The following ADAMTS2 variants were observed in gnomAD, a reference collection of about 807,000 sequenced individuals.
ADAMTS2 encodes ADAM metallopeptidase with thrombospondin type 1 motif 2.
In ADAMTS2, 50 loss-of-function variants were observed where a neutral mutation model predicts 123.0. The observed-to-expected ratio is 0.41, with a 90% CI of 0.32 to 0.51. The LOEUF (loss-of-function observed/expected upper bound fraction) is 0.51, where lower values mean the gene tolerates loss of function less well. Ranked by LOEUF, ADAMTS2 falls within the 20% of genes least tolerant of loss-of-function variation. ADAMTS2 has a pLI of 0.35. For synonymous variants in ADAMTS2, 678 were observed against 695.4 expected (o/e 0.98, Z 0.39); for missense variants, 1,494 against 1,705.2 (o/e 0.88, Z 2.18).
chr5:179,163,542 C>T (rs915444738), intron 5 of ADAMTS2, among the ~76,000 whole-genome samples: 1 of 152,168 alleles, frequency 6.6e-6, no homozygotes, highest in Non-Finnish European at 1.5e-5. Flanking sequence ...AACGCATCCT[C>T]CCCGTCACCA....
At chr5:179,224,333 C>T (rs374578666) in intron 3 of ADAMTS2, among the ~76,000 whole-genome samples, 22 of 152,328 alleles carry the variant, frequency 1.4e-4, no homozygotes, top group Admixed American at 3.3e-4. Flanking sequence ...GGCCGCAGGC[C>T]TCACACCACA....
Position 179,153,488 on chromosome 5 carries a change from C to T in ADAMTS2, c.1515+3G>A. The T allele has an allele frequency of 1.9e-6, 3 of 1,607,996 alleles. No individual in the cohort carries two copies. The highest frequency in any genetic ancestry group is 2.5e-6 in the Non-Finnish European group (3 of 1,179,870). ...GGTCCCGGCTGCAGGGCTGCACACT[C>T]ACCGCCGTGCACATCATGTAGCCCA... is the stretch of plus-strand genomic sequence containing the variant. On this transcript the variant is annotated splice_donor_region_variant and intron_variant, in intron 9 of 21. Transcript: ENST00000251582.
rs191914839 is a variant in ADAMTS2 at position 179,189,774 on chromosome 5, A to G, written c.892-8619T>C. ...GGACAATATTACAAAGTATCTTCTT[A>G]AGGATGGGGGTGGGGAAGAATATTA... is the stretch of plus-strand genomic sequence containing the variant. On this transcript the variant is annotated intron_variant, in intron 4 of 21. Transcript: ENST00000251582. The surrounding 1 kb of genome is among the most constrained non-coding windows in gnomAD (Gnocchi z 4.2). 1.4e-5 allele frequency among the ~76,000 whole-genome samples: 2 copies of G among 146,126 alleles called. No homozygotes were observed. Among genetic ancestry groups the G allele is most frequent in the Admixed American group, 1.4e-4 (2 of 14,616 alleles).
At chr5:179,215,519 T>C (rs757634977) in intron 3 of ADAMTS2, among the ~76,000 whole-genome samples, 14 of 152,186 alleles carry the variant, frequency 9.2e-5, no homozygotes, top group Non-Finnish European at 4.4e-5. Flanking sequence ...CAGGTTAAAA[T>C]GGCGGATTGA....
chr5:179,217,801 G>GCA (rs879691618), intron 3 of ADAMTS2, among the ~76,000 whole-genome samples: 16,239 of 110,568 alleles, frequency 0.15, 1,654 homozygotes, highest in African/African-American at 0.21. Flanking sequence ...CGCAAGGGGG[G>GCA]GATGGGCACA....
At chr5:179,171,036 G>A (rs1302607711) in intron 5 of ADAMTS2, among the ~76,000 whole-genome samples, 2 of 152,334 alleles carry the variant, frequency 1.3e-5, no homozygotes, top group South Asian at 2.1e-4. Context: ...GCAATTGGAC[G>A]GGTTGAGTTT....
chr5:179,216,064 CAAAG>C (rs748815426), intron 3 of ADAMTS2, among the ~76,000 whole-genome samples: 9 of 152,148 alleles, frequency 5.9e-5, no homozygotes, highest in Non-Finnish European at 8.8e-5. Flanking sequence ...AAAAAGGCAA[CAAAG>C]AAAGAGTAAG....
At chr5:179,302,734 G>A (rs1010908814) in intron 2 of ADAMTS2, among the ~76,000 whole-genome samples, 1 of 151,948 alleles carries the variant, frequency 6.6e-6, no homozygotes, top group Admixed American at 6.6e-5. Flanking sequence ...GAGGGGGGCG[G>A]GGGACTTCCT....
intron 10 of ADAMTS2, among the ~76,000 whole-genome samples, chr5:179,144,325 G>A (rs897563595): frequency 5.9e-5 from 9 of 152,206 alleles, no homozygotes; most frequent in African/African-American, 2.2e-4. Context: ...TCATTGATCA[G>A]TGTTAAAATG....
At position 179,129,468 on chromosome 5, in the gene ADAMTS2, A is replaced by C. The variant is rs1407989782; in HGVS notation, c.2457+464T>G. Among the ~76,000 whole-genome samples, 1 of 152,194 alleles carries C rather than the reference A, an allele frequency of 6.6e-6. No homozygotes were observed. The highest frequency in any genetic ancestry group is 1.5e-5 in the Non-Finnish European group (1 of 68,036). The stretch of plus-strand genomic sequence containing the variant: ...CCTCCTCAAAACCAGGTAAAAAGAA[A>C]GTGATTTGAAAATCCAGCCCCCGTG... On this transcript the variant is annotated intron_variant, in intron 16 of 21. Transcript: ENST00000251582. The surrounding 1 kb of genome is among the most constrained non-coding windows in gnomAD (Gnocchi z 4.1).
chr5:179,341,727 A>G (rs1251845285), intron 2 of ADAMTS2, among the ~76,000 whole-genome samples: 2 of 143,052 alleles, frequency 1.4e-5, no homozygotes, highest in African/African-American at 2.6e-5. Flanking sequence ...AAAAAAAAAA[A>G]AAAAAGAAAA....
chr5:179,136,176 A>T (rs1763064697), intron 12 of ADAMTS2, 134 bp from the exon 13 acceptor site: 1 of 1,304,658 alleles, frequency 7.7e-7, no homozygotes. Context: ...ACAGAGAGGG[A>T]AAGGGGTGGG....
chr5:179,195,041 T>C (rs1411462155), intron 4 of ADAMTS2, among the ~76,000 whole-genome samples: 1 of 152,172 alleles, frequency 6.6e-6, no homozygotes, highest in Non-Finnish European at 1.5e-5. Flanking sequence ...TAGAGGCAAC[T>C]GCGGTGGCCC....
chr5:179,284,611 T>G (rs1755965084), intron 2 of ADAMTS2, among the ~76,000 whole-genome samples: 1 of 152,150 alleles, frequency 6.6e-6, no homozygotes, highest in South Asian at 2.1e-4. Flanking sequence ...GGTCTCGAAC[T>G]CCTGACCTCA....
chr5:179,289,674 C>T lies in ADAMTS2; in HGVS notation c.535-16610G>A, dbSNP rs201495479. Reference sequence around the variant, plus strand: ...CCTCACAGTCACAGCCCTAGAGCTCCCGGGGCATCCAGTGGAATCCCAGTA... The same window carrying T: ...CCTCACAGTCACAGCCCTAGAGCTCTCGGGGCATCCAGTGGAATCCCAGTA... On this transcript the variant is annotated intron_variant, in intron 2 of 21. Coordinates refer to ENST00000251582, the MANE Select transcript of ADAMTS2 (RefSeq NM_014244.5). Among the ~76,000 whole-genome samples, 29 of 152,284 alleles carry T rather than the reference C, an allele frequency of 1.9e-4. No individual in the cohort carries two copies. The East Asian group carries it at 4.2e-3, about 22-fold the overall frequency.
At chr5:179,265,998 G>C (rs932806911) in intron 3 of ADAMTS2, among the ~76,000 whole-genome samples, 1 of 152,226 alleles carries the variant, frequency 6.6e-6, no homozygotes, top group African/African-American at 2.4e-5. Context: ...CAGGGCCCAG[G>C]CTGACCAGGG....
intron 3 of ADAMTS2, among the ~76,000 whole-genome samples, chr5:179,246,456 T>G (rs910224852): frequency 6.6e-6 from 1 of 152,132 alleles, no homozygotes; most frequent in Non-Finnish European, 1.5e-5. Context: ...AATAAACATA[T>G]CTAAAGGCTT....
chr5:179,329,066 G>A (rs187444591), intron 2 of ADAMTS2, among the ~76,000 whole-genome samples: 8 of 152,292 alleles, frequency 5.3e-5, no homozygotes, highest in East Asian at 3.9e-4. Flanking sequence ...AGTGGCTCAT[G>A]CCTGCAATCC....
chr5:179,327,802 A>C (rs566721289), intron 2 of ADAMTS2, among the ~76,000 whole-genome samples: 1 of 152,276 alleles, frequency 6.6e-6, no homozygotes, highest in African/African-American at 2.4e-5. Flanking sequence ...CTCCCACACA[A>C]AATTACTAAA....
Sources: gnomAD v4.1 joint callset for allele counts (sites outside exome capture counted in the v4.1 genomes callset) on GRCh38, gnomAD v4.1.1 for gene constraint, Gnocchi (gnomAD v3.1) non-coding constraint, MANE v1.5 for transcripts, NCBI Gene and HGNC (gene_info 2026-07-23, HGNC 2026-07-21) for gene names.